PDLIM1: variants seen among roughly 807,000 people sequenced by gnomAD.
PDLIM1 encodes PDZ and LIM domain 1.
PDLIM1 carries 25 observed loss-of-function variants against 35.2 expected under a neutral mutation model. The ratio of observed to expected loss-of-function variants is 0.71; its 90% CI spans 0.52 to 0.99. PDLIM1 has a LOEUF of 0.99. Ranked by LOEUF, PDLIM1 falls within the 50% of genes least tolerant of loss-of-function variation. The probability of loss-of-function intolerance (pLI) is 0.00; values close to 1 mark genes in which losing one functional copy is unlikely to be tolerated. For missense variants in PDLIM1, 363 were observed against 415.3 expected (o/e 0.87, Z 1.09); for synonymous variants, 152 against 154.0 (o/e 0.99, Z 0.10).
chr10:95,268,718 T>C (rs2035436309), intron 3 of PDLIM1, 60 bp downstream of exon 3: 1 of 1,036,230 alleles, frequency 9.7e-7, no homozygotes, highest in East Asian at 2.4e-5. Flanking sequence ...TGCTGAGCAG[T>C]GTCAGAAACG....
At chr10:95,254,566 T>C (rs1227767897) in intron 4 of PDLIM1, among the ~76,000 whole-genome samples, 1 of 152,162 alleles carries the variant, frequency 6.6e-6, no homozygotes. Context: ...TATACCCCTC[T>C]CTTAACAACT....
chr10:95,262,620 A>G (rs2035374781), intron 4 of PDLIM1, among the ~76,000 whole-genome samples: 1 of 113,888 alleles, frequency 8.8e-6, no homozygotes, highest in Admixed American at 1.3e-4. Flanking sequence ...ACCCTTGTTT[A>G]CTCAGAGCTC....
chr10:95,253,656 T>TAAA (rs67230953), intron 4 of PDLIM1, among the ~76,000 whole-genome samples: 37 of 140,986 alleles, frequency 2.6e-4, no homozygotes, highest in Middle Eastern at 7.1e-3. Context: ...GACTCTGTCT[T>TAAA]AAAAAAAAAA....
At position 95,247,410 on chromosome 10, in the gene PDLIM1, T is replaced by C. The variant is rs751705519; in HGVS notation, c.534-44A>G. On this transcript the variant is annotated intron_variant, in intron 4 of 6. Coordinates refer to ENST00000329399, the MANE Select transcript of PDLIM1 (RefSeq NM_020992.4). ...AAATTGATTAGGACATGACAGAAGT[T>C]AAAAATAACTTCACCAGGAACCTCC... 1.6e-5 allele frequency: 24 copies of C among 1,528,658 alleles called. 1 individual carries two copies. In the South Asian group the frequency reaches 2.9e-4, roughly 18 times the overall value. 94.7% of individuals were successfully genotyped at this position (1,528,658 alleles called of 1,614,324 possible).
At chr10:95,260,324 A>G (rs1052239174) in intron 4 of PDLIM1, among the ~76,000 whole-genome samples, 2 of 152,222 alleles carry the variant, frequency 1.3e-5, no homozygotes, top group African/African-American at 4.8e-5. Flanking sequence ...AGCCTTTAGG[A>G]AGTATCAGGC....
intron 3 of PDLIM1, among the ~76,000 whole-genome samples, chr10:95,264,466 G>A (rs984119762): frequency 1.3e-5 from 2 of 152,174 alleles, no homozygotes; most frequent in Non-Finnish European, 2.9e-5. Flanking sequence ...AGTCACTTTG[G>A]TCAGTGCAAA....
At chr10:95,283,641 T>C (rs558808563) in intron 1 of PDLIM1, among the ~76,000 whole-genome samples, 1 of 152,376 alleles carries the variant, frequency 6.6e-6, no homozygotes, top group South Asian at 2.1e-4. Flanking sequence ...GGAAGCCTTT[T>C]ACCTTATGCT....
intron 6 of PDLIM1, 106 bp from the exon 7 acceptor site, chr10:95,238,217 C>T (rs2035143831): frequency 2.0e-6 from 2 of 987,734 alleles, no homozygotes; most frequent in Admixed American, 2.6e-5. Flanking sequence ...GGGCTTCTCC[C>T]CAGGAACCCA....
At chr10:95,271,484 C>G (rs1330586658) in intron 2 of PDLIM1, 149 bp downstream of exon 2, 4 of 496,794 alleles carry the variant, frequency 8.1e-6, no homozygotes, top group Non-Finnish European at 1.4e-5. Flanking sequence ...ATCTGAAGTT[C>G]AAATTCCACA....
chr10:95,257,006 G>GAAAAGAAAAGA (rs376776604), intron 4 of PDLIM1, among the ~76,000 whole-genome samples: 20 of 87,698 alleles, frequency 2.3e-4, no homozygotes, highest in African/African-American at 6.2e-4. Flanking sequence ...AAGAAAGAAA[G>GAAAAGAAAAGA]AAAGAAAGAA....
chr10:95,262,008 CAAA>C (rs11344355), intron 4 of PDLIM1, among the ~76,000 whole-genome samples: 8 of 119,980 alleles, frequency 6.7e-5, no homozygotes, highest in Non-Finnish European at 8.7e-5. Flanking sequence ...AACTCCGTCT[CAAA>C]AAAAAAAAAA....
chr10:95,269,031 C>A (rs2035439852), intron 2 of PDLIM1, among the ~76,000 whole-genome samples, 169 bp from the exon 3 acceptor site: 1 of 152,204 alleles, frequency 6.6e-6, no homozygotes, highest in South Asian at 2.1e-4. Flanking sequence ...ACACCCCAAT[C>A]TGATAACATC....
At chr10:95,241,243 TATTA>T (rs902896827) in intron 5 of PDLIM1, among the ~76,000 whole-genome samples, 5 of 152,168 alleles carry the variant, frequency 3.3e-5, no homozygotes, top group African/African-American at 9.7e-5. Context: ...AATGGACATT[TATTA>T]ATTGTTTATT....
chr10:95,283,210 G>C (rs1006633175), intron 1 of PDLIM1, among the ~76,000 whole-genome samples: 1 of 152,282 alleles, frequency 6.6e-6, no homozygotes, highest in East Asian at 1.9e-4. Context: ...TCAATATATA[G>C]TAGCTACCAT....
At chr10:95,269,893 C>T (rs2035448104) in intron 2 of PDLIM1, among the ~76,000 whole-genome samples, 1 of 151,970 alleles carries the variant, frequency 6.6e-6, no homozygotes, top group South Asian at 2.1e-4. Flanking sequence ...CTGCCATCAT[C>T]CCTAGCTAAT....
intron 4 of PDLIM1, among the ~76,000 whole-genome samples, chr10:95,255,636 A>C (rs2035305226): frequency 6.6e-6 from 1 of 152,192 alleles, no homozygotes; most frequent in Non-Finnish European, 1.5e-5. Flanking sequence ...TTACCTCCAC[A>C]TAATAAAGTC....
At chr10:95,247,474 T>C (rs1411036303) in intron 4 of PDLIM1, 108 bp from the exon 5 acceptor site, 1 of 889,834 alleles carries the variant, frequency 1.1e-6, no homozygotes, top group African/African-American at 1.7e-5. Context: ...TGGATAGAAA[T>C]GATCTCAAAG....
chr10:95,253,689 C>T (rs908051146), intron 4 of PDLIM1, among the ~76,000 whole-genome samples: 7 of 150,742 alleles, frequency 4.6e-5, no homozygotes, highest in African/African-American at 9.7e-5. Flanking sequence ...CTTGGAATAT[C>T]GAGAATGAAA....
chr10:95,264,922 T>C (rs979055367), intron 3 of PDLIM1, among the ~76,000 whole-genome samples: 7 of 149,636 alleles, frequency 4.7e-5, no homozygotes, highest in Non-Finnish European at 8.9e-5. Context: ...CTACTTTTTC[T>C]TTCCCTCCTG....
Sources: allele counts gnomAD v4.1 joint callset (sites outside exome capture counted in the v4.1 genomes callset), GRCh38; gene constraint gnomAD v4.1.1; transcripts MANE v1.5; gene names NCBI Gene and HGNC (gene_info 2026-07-23, HGNC 2026-07-21).